The following GOPC variants were observed in gnomAD, a reference collection of about 807,000 sequenced individuals.
GOPC encodes Golgi-associated PDZ and coiled-coil motif-containing protein.
In GOPC, 32 loss-of-function variants were observed where a neutral mutation model predicts 51.2. The observed-to-expected ratio is 0.63, with a 90% CI of 0.47 to 0.84. The LOEUF is 0.84. Among genes scored for constraint, GOPC ranks in the 40% least tolerant of loss-of-function variants. The probability of loss-of-function intolerance (pLI) is 0.00; values close to 1 mark genes in which losing one functional copy is unlikely to be tolerated. For synonymous variants in GOPC, 190 were observed against 205.1 expected, an observed-to-expected ratio of 0.93 and a Z score of 0.63; for missense variants, 441 against 555.5, an observed-to-expected ratio of 0.79 and a Z score of 2.07.
At chr6:117,590,848 T>C (rs892851541) in intron 1 of GOPC, among the ~76,000 whole-genome samples, 7 of 151,968 alleles carry the variant, frequency 4.6e-5, no homozygotes, top group African/African-American at 1.7e-4. Flanking sequence ...TGTTTTGTTT[T>C]GTTTTGTTTT....
At chr6:117,596,111 T>C (rs144304778) in intron 1 of GOPC, among the ~76,000 whole-genome samples, 3,389 of 152,300 alleles carry the variant, frequency 0.022, 136 homozygotes, top group African/African-American at 0.078. Context: ...TAAGGTAGTA[T>C]TGCATTGTGG....
rs748397494 is a variant in GOPC at position 117,569,564 on chromosome 6, G to T, written c.1077+8C>A. The stretch of plus-strand genomic sequence containing the variant: ...AGATCCAGTTCTAATTACATGAAGG[G>T]AATTTACCTGCTGAGAAAGAATAGT... On this transcript the variant is annotated splice_region_variant and intron_variant, in intron 7 of 8. Transcript: ENST00000368498. 6.2e-7 allele frequency: 1 copy of T among 1,611,538 alleles called. No individual in the cohort carries two copies. The highest frequency in any genetic ancestry group is 1.1e-5 in the South Asian group (1 of 90,530).
At chr6:117,565,447 T>C (rs978502573) in intron 8 of GOPC, among the ~76,000 whole-genome samples, 5 of 152,210 alleles carry the variant, frequency 3.3e-5, no homozygotes, top group African/African-American at 7.2e-5. Flanking sequence ...CACTCTGTTA[T>C]ATTAAAATCC....
intron 1 of GOPC, among the ~76,000 whole-genome samples, chr6:117,597,368 G>A (rs898053686): frequency 6.6e-6 from 1 of 152,160 alleles, no homozygotes; most frequent in Non-Finnish European, 1.5e-5. Flanking sequence ...CCATTTGGAT[G>A]TCCTTTATTT....
At position 117,568,124 on chromosome 6, in the gene GOPC, T is replaced by C. The variant is rs568426941; in HGVS notation, c.1078-1090A>G. On this transcript the variant is annotated intron_variant, in intron 7 of 8. Coordinates refer to ENST00000368498, the MANE Select transcript of GOPC (RefSeq NM_020399.4). Reference sequence around the variant, plus strand: ...TGAGGTCGGAGGATCTGTTTGAGCCTGGGAGGTTGAGGCTGCAGTGGTCCG... The same window carrying C: ...TGAGGTCGGAGGATCTGTTTGAGCCCGGGAGGTTGAGGCTGCAGTGGTCCG... Among the ~76,000 whole-genome samples the C allele has an allele frequency of 2.0e-5, 3 of 151,968 alleles. No individual in the cohort carries two copies. In the South Asian group the frequency reaches 6.2e-4, roughly 32 times the overall value.
rs527367547 is a variant in GOPC at position 117,588,025 on chromosome 6, T to C, written c.286-8961A>G. Among the ~76,000 whole-genome samples, 5 of 152,018 alleles carry C rather than the reference T, an allele frequency of 3.3e-5. No homozygotes were observed. The East Asian group carries it at 9.7e-4, about 30-fold the overall frequency. On this transcript the variant is annotated intron_variant, in intron 1 of 8. Transcript: ENST00000368498. ...GGGTAGCTAGGACTACATAAGCACA[T>C]GGTCATTTTTAAATTTTTTTGTATT...
At position 117,592,224 on chromosome 6, in the gene GOPC, G is replaced by A. The variant is rs562401315; in HGVS notation, c.285+9780C>T. Among the ~76,000 whole-genome samples, 9 of 152,202 alleles carry A rather than the reference G, an allele frequency of 5.9e-5. No homozygotes were observed. In the South Asian group the frequency reaches 1.7e-3, roughly 28 times the overall value. Reference sequence around the variant, plus strand: ...TCTACTAAAAATATAAAAATTAGCCGGGCATGGTGGCTGGCGCCTGCAATC... The same window carrying A: ...TCTACTAAAAATATAAAAATTAGCCAGGCATGGTGGCTGGCGCCTGCAATC... On this transcript the variant is annotated intron_variant, in intron 1 of 8. Transcript: ENST00000368498.
rs948885542 is a variant in GOPC at position 117,563,187 on chromosome 6, C to A, written c.*67G>T. 11 of 1,459,046 alleles carry A rather than the reference C, an allele frequency of 7.5e-6. No individual in the cohort carries two copies. The highest frequency in any genetic ancestry group is 1.0e-5 in the Non-Finnish European group (11 of 1,053,274). The allele number at this position is 1,459,046 out of a possible 1,614,324, so 90.4% of individuals were successfully genotyped here. Reference sequence around the variant, plus strand: ...TCCCCTGATTTTGTAGTCTTTGTCACCATCTTCCCCAGTGCCCCAAATTCA... The same window carrying A: ...TCCCCTGATTTTGTAGTCTTTGTCAACATCTTCCCCAGTGCCCCAAATTCA... On this transcript the variant is annotated 3_prime_UTR_variant, in exon 9 of 9. Coordinates refer to ENST00000368498, the MANE Select transcript of GOPC (RefSeq NM_020399.4).
chr6:117,563,057 A>G lies in GOPC; in HGVS notation c.*197T>C. Reference sequence around the variant, plus strand: ...AGAAAATCAAAATTGCTTTACATGCAATAGCTAATTATGGTCTACCACAGA... The same window carrying G: ...AGAAAATCAAAATTGCTTTACATGCGATAGCTAATTATGGTCTACCACAGA... On this transcript the variant is annotated 3_prime_UTR_variant, in exon 9 of 9. Transcript: ENST00000368498. 1 of 542,712 alleles carries G rather than the reference A, an allele frequency of 1.8e-6. No individual in the cohort carries two copies. The highest frequency in any genetic ancestry group is 3.1e-5 in the East Asian group (1 of 32,742). The allele number at this position is 542,712 out of a possible 1,614,324, so 33.6% of individuals were successfully genotyped here.
At chr6:117,572,335 A>C (rs1779818655) in intron 5 of GOPC, among the ~76,000 whole-genome samples, 1 of 151,960 alleles carries the variant, frequency 6.6e-6, no homozygotes, top group South Asian at 2.1e-4. Flanking sequence ...AATCCTCTCA[A>C]ATCTATCCTT....
Position 117,569,487 on chromosome 6 carries a change from AGAAACTTCGTAGG to A in GOPC, c.1077+72_1077+84del, listed in dbSNP as rs1304466488. The A allele has an allele frequency of 6.6e-6, 10 of 1,518,630 alleles. No homozygotes were observed. In the African/African-American group the frequency reaches 1.4e-4, roughly 22 times the overall value. The allele number at this position is 1,518,630 out of a possible 1,614,324, so 94.1% of individuals were successfully genotyped here. A position where few individuals can be genotyped will look rare whatever the true frequency, so the allele number is the denominator to read the frequency against. ...CTATGTGTAAACACTTTACTACTTT[AGAAACTTCGTAGG>A]GAAGTATACAGTGTTCAATAGATTC... On this transcript the variant is annotated intron_variant, in intron 7 of 8. Transcript: ENST00000368498.
chr6:117,569,507 T>C (rs1779763500), intron 7 of GOPC, 65 bp downstream of exon 7: 3 of 1,577,150 alleles, frequency 1.9e-6, no homozygotes, highest in Admixed American at 3.8e-5. Flanking sequence ...TAGGGAAGTA[T>C]ACAGTGTTCA....
intron 1 of GOPC, among the ~76,000 whole-genome samples, chr6:117,600,438 C>T (rs990707556): frequency 1.3e-5 from 2 of 152,180 alleles, no homozygotes; most frequent in East Asian, 3.9e-4. Flanking sequence ...GTTTCCCATA[C>T]ACGAAATTTG....
chr6:117,591,329 G>A (rs34821156), intron 1 of GOPC, among the ~76,000 whole-genome samples: 14,833 of 152,226 alleles, frequency 0.097, 920 homozygotes, highest in African/African-American at 0.17. Flanking sequence ...AAAAGATAAT[G>A]CTGCCTTCTA....
chr6:117,563,107 A>T lies in GOPC; in HGVS notation c.*147T>A. ...AAAACAGGGTGTTTTATGCATTGAG[A>T]ATTGTTCACATGAAGCCCTGAGGTA... On this transcript the variant is annotated 3_prime_UTR_variant, in exon 9 of 9. Transcript: ENST00000368498. The T allele has an allele frequency of 1.5e-6, 1 of 674,576 alleles. No individual in the cohort carries two copies. 41.8% of individuals were successfully genotyped at this position (674,576 alleles called of 1,614,324 possible).
chr6:117,590,371 G>A (rs1780098407), intron 1 of GOPC, among the ~76,000 whole-genome samples: 1 of 152,054 alleles, frequency 6.6e-6, no homozygotes, highest in South Asian at 2.1e-4. Flanking sequence ...AGGAGATCGA[G>A]ACCAGCCTGG....
intron 1 of GOPC, among the ~76,000 whole-genome samples, chr6:117,590,763 T>C (rs1327706988): frequency 1.3e-5 from 2 of 152,060 alleles, no homozygotes; most frequent in African/African-American, 4.8e-5. Flanking sequence ...AGGTGAGATA[T>C]GAAAACACCT....
chr6:117,581,579 C>T (rs1779959984), intron 1 of GOPC, among the ~76,000 whole-genome samples: 1 of 152,072 alleles, frequency 6.6e-6, no homozygotes, highest in African/African-American at 2.4e-5. Flanking sequence ...TGACTTCTAA[C>T]ACCATAAATA....
At position 117,602,226 on chromosome 6, in the gene GOPC, G is replaced by T. The variant is rs765532069; in HGVS notation, c.63C>A (p.Ser21=). Residue 21 remains serine, a synonymous_variant, in exon 1 of 9, where the codon TCC becomes TCA. Coordinates refer to ENST00000368498, the MANE Select transcript of GOPC (RefSeq NM_020399.4). ...TGGATACCCCGCCAGGGGCCCCCACGGAGCAGGAGGCGCCCCCTGGGCCCC... is the reference window on the plus strand; with the variant it reads ...TGGATACCCCGCCAGGGGCCCCCACTGAGCAGGAGGCGCCCCCTGGGCCCC... ...AGGGPGGASC[S]VGAPGGVSMF... The T allele has an allele frequency of 6.2e-7, 1 of 1,605,574 alleles. No individual in the cohort carries two copies. The highest frequency in any genetic ancestry group is 1.7e-5 in the Admixed American group (1 of 60,022).
Sources: gnomAD v4.1 joint callset for allele counts (sites outside exome capture counted in the v4.1 genomes callset) on GRCh38, gnomAD v4.1.1 for gene constraint, MANE v1.5 for transcripts, NCBI Gene and HGNC (gene_info 2026-07-23, HGNC 2026-07-21) for gene names.